Variants in FRMPD4 observed in about 807,000 individuals in gnomAD.
FRMPD4 encodes FERM and PDZ domain containing 4, also known as FERM and PDZ domain-containing protein 4.
In FRMPD4, 22 loss-of-function variants were observed where a neutral mutation model predicts 94.1. The ratio of observed to expected loss-of-function variants is 0.23; its 90% CI spans 0.17 to 0.33. The LOEUF is 0.33. Among genes scored for constraint, FRMPD4 ranks in the 10% least tolerant of loss-of-function variants. The pLI, the probability that FRMPD4 is intolerant of heterozygous loss-of-function variation, is 1.00. For synonymous variants in FRMPD4, 631 were observed against 548.6 expected (o/e 1.15, Z -2.10); for missense variants, 1,111 against 1,339.9 (o/e 0.83, Z 2.67).
chrX:12,230,019 A>T (rs749263765), intron 1 of FRMPD4, among the ~76,000 whole-genome samples: 4 of 111,448 alleles, frequency 3.6e-5, no homozygotes, highest in Non-Finnish European at 7.5e-5. Context: ...GCAATTCATC[A>T]TCTAAGTCCT....
intron 2 of FRMPD4, among the ~76,000 whole-genome samples, chrX:12,579,567 G>T (rs1039740355): frequency 8.9e-6 from 1 of 112,151 alleles, no homozygotes; most frequent in Non-Finnish European, 1.9e-5. Context: ...GGCATGCTCT[G>T]TTCAGCTTGC....
chrX:12,417,825 C>T lies in FRMPD4; in HGVS notation c.42-80855C>T, dbSNP rs756770821. ...GAGATCGAGACCATCCTGGCTAACA[C>T]GGTGAAACCCCGTCTCTACTTAGCC... On this transcript the variant is annotated intron_variant, in intron 1 of 16. Transcript: ENST00000675598. 1.2e-4 allele frequency among the ~76,000 whole-genome samples: 13 copies of T among 107,146 alleles called. No individual in the cohort carries two copies. The South Asian group carries it at 1.3e-3, about 10-fold the overall frequency. 93.0% of individuals were successfully genotyped at this position (107,146 alleles called of 115,157 possible).
intron 1 of FRMPD4, among the ~76,000 whole-genome samples, chrX:12,260,213 A>G (rs944158137): frequency 9.0e-6 from 1 of 111,080 alleles, no homozygotes; most frequent in Admixed American, 9.6e-5. Flanking sequence ...GATGACTCCA[A>G]AATTTAAGTC....
chrX:12,680,389 T>C, intron 5 of FRMPD4, among the ~76,000 whole-genome samples: 1 of 112,466 alleles, frequency 8.9e-6, no homozygotes, highest in East Asian at 2.8e-4. Context: ...TTGTATATTT[T>C]TTGAAAGCAA....
intron 3 of FRMPD4, among the ~76,000 whole-genome samples, chrX:12,104,929 T>C (rs1018633080): frequency 9.8e-5 from 11 of 111,867 alleles, no homozygotes; most frequent in Middle Eastern, 4.2e-3. Flanking sequence ...CTTTGTCAAG[T>C]GCTAATTATC....
At chrX:12,046,000 G>T (rs1416552747) in intron 3 of FRMPD4, among the ~76,000 whole-genome samples, 1 of 110,766 alleles carries the variant, frequency 9.0e-6, no homozygotes, top group Non-Finnish European at 1.9e-5. Context: ...TTATTATTAG[G>T]GATAAAGTAG....
intron 6 of FRMPD4, among the ~76,000 whole-genome samples, chrX:12,685,789 C>T (rs1053355333): frequency 8.9e-6 from 1 of 112,059 alleles, no homozygotes; most frequent in African/African-American, 3.2e-5. Context: ...ACGTCCTGCC[C>T]TGCTTAGGTC....
intron 1 of FRMPD4, among the ~76,000 whole-genome samples, chrX:12,331,834 TA>T (rs2055404146): frequency 2.0e-5 from 1 of 49,324 alleles, no homozygotes; most frequent in African/African-American, 1.1e-4. Context: ...ATAAATTATA[TA>T]TATTTATATA....
intron 3 of FRMPD4, among the ~76,000 whole-genome samples, chrX:12,007,780 G>T (rs369027684): frequency 3.6e-5 from 4 of 112,443 alleles, no homozygotes; most frequent in African/African-American, 9.7e-5. Flanking sequence ...AAGAGTAAAA[G>T]CTTCTCGGTC....
At chrX:12,606,062 G>A (rs1456053241) in intron 2 of FRMPD4, among the ~76,000 whole-genome samples, 2 of 112,369 alleles carry the variant, frequency 1.8e-5, no homozygotes, top group Non-Finnish European at 3.8e-5. Context: ...AAGTAAACTA[G>A]CATATGGAAA....
intron 3 of FRMPD4, among the ~76,000 whole-genome samples, chrX:11,889,030 A>G (rs2053860598): frequency 8.9e-6 from 1 of 112,763 alleles, no homozygotes; most frequent in South Asian, 3.6e-4. Context: ...TAATTCTGGA[A>G]TATACTTACT....
At chrX:12,693,318 A>C (rs762283928) in intron 8 of FRMPD4, among the ~76,000 whole-genome samples, 39 of 112,107 alleles carry the variant, frequency 3.5e-4, no homozygotes, top group Middle Eastern at 4.6e-3. Context: ...TCTTTCTTAG[A>C]GTCCAATGTC....
At chrX:12,676,249 G>A (rs981000841) in intron 5 of FRMPD4, among the ~76,000 whole-genome samples, 2 of 112,234 alleles carry the variant, frequency 1.8e-5, no homozygotes, top group Non-Finnish European at 3.8e-5. Flanking sequence ...CTGATTCCGA[G>A]ATTCCTTCCA....
chrX:12,145,272 G>A (rs1321332568), intron 1 of FRMPD4, among the ~76,000 whole-genome samples: 1 of 112,101 alleles, frequency 8.9e-6, no homozygotes, highest in Non-Finnish European at 1.9e-5. Flanking sequence ...GAGAACACGC[G>A]GCCATCTGGC....
chrX:12,479,457 T>TATACAC (rs2057652975), intron 1 of FRMPD4, among the ~76,000 whole-genome samples: 4 of 50,592 alleles, frequency 7.9e-5, no homozygotes, highest in East Asian at 5.7e-4. Context: ...TATATATATG[T>TATACAC]ATATATGTAT....
At chrX:11,931,285 A>T (rs892454355) in intron 3 of FRMPD4, among the ~76,000 whole-genome samples, 17 of 112,110 alleles carry the variant, frequency 1.5e-4, no homozygotes, top group Admixed American at 1.9e-4. Flanking sequence ...TTAGTGGCTT[A>T]AAACAACCAC....
chrX:11,870,628 C>G (rs2053750892), intron 2 of FRMPD4, among the ~76,000 whole-genome samples: 1 of 111,492 alleles, frequency 9.0e-6, no homozygotes, highest in Non-Finnish European at 1.9e-5. Context: ...CCACTCCCAA[C>G]CAAACTGCAA....
chrX:12,240,649 T>G (rs192777878), intron 1 of FRMPD4, among the ~76,000 whole-genome samples: 1 of 112,476 alleles, frequency 8.9e-6, no homozygotes, highest in East Asian at 2.8e-4. Context: ...ACAACTGGTT[T>G]GTTTTTTGGT....
chrX:12,559,453 A>C (rs191674228), intron 2 of FRMPD4, among the ~76,000 whole-genome samples: 48 of 111,089 alleles, frequency 4.3e-4, no homozygotes, highest in East Asian at 1.4e-3. Flanking sequence ...AGTTTGAGAC[A>C]AGCCTGGCCA....
Sources: gnomAD v4.1 joint callset for allele counts (sites outside exome capture counted in the v4.1 genomes callset) on GRCh38, gnomAD v4.1.1 for gene constraint, MANE v1.5 for transcripts, NCBI Gene and HGNC (gene_info 2026-07-23, HGNC 2026-07-21) for gene names.